Variants in VRK2 observed in about 807,000 individuals in gnomAD.
VRK2 encodes serine/threonine-protein kinase VRK2.
Under a neutral mutation model 57.6 loss-of-function variants are expected in VRK2, and 60 were observed. The observed-to-expected ratio is 1.04, with a 90% CI of 0.85 to 1.29. VRK2 has a LOEUF of 1.29. Among genes scored for constraint, VRK2 ranks in the 50% most tolerant of loss-of-function variants. VRK2 has a pLI of 0.00. For missense variants in VRK2, 705 were observed against 588.1 expected, an observed-to-expected ratio of 1.20 and a Z score of -2.06; for synonymous variants, 231 against 199.2, an observed-to-expected ratio of 1.16 and a Z score of -1.35.
chr2:58,061,531 A>G (rs771409974), intron 2 of VRK2, among the ~76,000 whole-genome samples: 1 of 152,006 alleles, frequency 6.6e-6, no homozygotes, highest in Non-Finnish European at 1.5e-5. Flanking sequence ...AATACTTAAA[A>G]TGATAAGATA....
chr2:58,044,123 C>G (rs1020283935), upstream of VRK2, among the ~76,000 whole-genome samples: 2 of 151,426 alleles, frequency 1.3e-5, no homozygotes, highest in African/African-American at 4.8e-5. Context: ...GTTGAGGTTT[C>G]TTTCTTTCTT....
chr2:58,116,242 T>C (rs1032526913), intron 7 of VRK2, among the ~76,000 whole-genome samples: 2 of 151,164 alleles, frequency 1.3e-5, no homozygotes, highest in African/African-American at 2.4e-5. Context: ...AAGGAGGGAG[T>C]AGAGGTATCT....
intron 6 of VRK2, among the ~76,000 whole-genome samples, chr2:58,089,183 G>A (rs148251501): frequency 6.4e-4 from 98 of 152,332 alleles, no homozygotes; most frequent in Middle Eastern, 3.4e-3. Context: ...TACAGAGGAA[G>A]AATACCTTTC....
At chr2:57,978,948 C>T (rs557799368) in intron 1 of VRK2, among the ~76,000 whole-genome samples, 2 of 150,830 alleles carry the variant, frequency 1.3e-5, no homozygotes, top group East Asian at 3.9e-4. Context: ...TGATGGCTTC[C>T]AGTTTCATCT....
chr2:57,984,372 G>A (rs1177261235), intron 1 of VRK2, among the ~76,000 whole-genome samples: 1 of 152,062 alleles, frequency 6.6e-6, no homozygotes, highest in East Asian at 1.9e-4. Flanking sequence ...AGTGTTTTAA[G>A]TATGTTAAGA....
At chr2:58,045,070 G>A (rs547975717), upstream of VRK2, among the ~76,000 whole-genome samples, 205 of 152,340 alleles carry the variant, frequency 1.3e-3, 1 homozygote, top group Non-Finnish European at 2.5e-3. Context: ...TCATAGCGAA[G>A]ACTGGCTAAT....
intron 2 of VRK2, among the ~76,000 whole-genome samples, chr2:58,049,823 A>G (rs539077075): frequency 3.3e-5 from 5 of 152,290 alleles, no homozygotes; most frequent in East Asian, 1.9e-4. Context: ...TTCCAGAAAA[A>G]CATGCTTCAT....
rs1673925562 is a variant in VRK2, at chr2:58,026,342, G to A, written c.-333+572G>A. 2.0e-5 allele frequency among the ~76,000 whole-genome samples: 3 copies of A among 152,018 alleles called. No homozygotes were observed. The South Asian group carries it at 6.2e-4, about 32-fold the overall frequency. On this transcript the variant is annotated intron_variant, in intron 2 of 15. Transcript: ENST00000417641. ...AGAAAGAGAAAGTGAGGGAATGAGA[G>A]AGGGAGACAATGCAGTATCTAGTTT...
At chr2:57,973,798 A>G (rs979454816) in intron 1 of VRK2, among the ~76,000 whole-genome samples, 4 of 151,848 alleles carry the variant, frequency 2.6e-5, no homozygotes, top group Non-Finnish European at 5.9e-5. Flanking sequence ...ATATATCCCC[A>G]AAAGTCTCAG....
At chr2:58,122,726 G>C (rs1277459951) in intron 7 of VRK2, among the ~76,000 whole-genome samples, 1 of 152,082 alleles carries the variant, frequency 6.6e-6, no homozygotes, top group Non-Finnish European at 1.5e-5. Flanking sequence ...GCTTGAAATA[G>C]TTTTATGTTT....
At chr2:58,064,485 A>C (rs1572912072) in intron 2 of VRK2, among the ~76,000 whole-genome samples, 1 of 152,176 alleles carries the variant, frequency 6.6e-6, no homozygotes, top group South Asian at 2.1e-4. Context: ...AAATATTTTT[A>C]AATTAAGGCA....
chr2:58,015,082 A>AT (rs200496038), intron 1 of VRK2, among the ~76,000 whole-genome samples: 2,555 of 152,090 alleles, frequency 0.017, 75 homozygotes, highest in African/African-American at 0.058. Context: ...TTATACAATC[A>AT]TTTTTTTTAT....
At chr2:57,936,928 C>T (rs981589360) in intron 1 of VRK2, among the ~76,000 whole-genome samples, 15 of 152,204 alleles carry the variant, frequency 9.9e-5, no homozygotes, top group Admixed American at 3.3e-4. Context: ...ATACCGCATC[C>T]TATTTTACCA....
intron 7 of VRK2, among the ~76,000 whole-genome samples, chr2:58,118,004 G>T (rs990756017): frequency 1.3e-5 from 2 of 152,162 alleles, no homozygotes. Context: ...AAGAGGTTGG[G>T]GAGCGGAAAT....
chr2:58,119,254 T>C (rs1677030333), intron 7 of VRK2, among the ~76,000 whole-genome samples: 1 of 151,832 alleles, frequency 6.6e-6, no homozygotes, highest in African/African-American at 2.4e-5. Flanking sequence ...TCCCAGCACT[T>C]TGGGAGACCA....
intron 1 of VRK2, among the ~76,000 whole-genome samples, chr2:57,996,641 CA>C (rs1672931686): frequency 6.6e-6 from 1 of 152,124 alleles, no homozygotes; most frequent in African/African-American, 2.4e-5. Flanking sequence ...AAAATTAGAA[CA>C]GGAAGTCTCT....
At chr2:57,920,984 A>T (rs1225373754) in intron 1 of VRK2, among the ~76,000 whole-genome samples, 1 of 152,122 alleles carries the variant, frequency 6.6e-6, no homozygotes, top group Non-Finnish European at 1.5e-5. Context: ...GGTATGATGG[A>T]CAGATACTGA....
At chr2:58,115,604 C>T (rs566141162) in intron 7 of VRK2, among the ~76,000 whole-genome samples, 3 of 152,270 alleles carry the variant, frequency 2.0e-5, no homozygotes, top group South Asian at 4.1e-4. Flanking sequence ...GAATTCTGAC[C>T]ACACTAACCA....
In VRK2 at chr2:58,066,764, T is replaced by C. The variant is rs560045369; in HGVS notation, c.137-17325T>C. On this transcript the variant is annotated intron_variant, in intron 2 of 12. Transcript: ENST00000340157. ...ATGGTTTCACTTTCTTTAGTGGTTA[T>C]TTAGGACTAATCTGGTTATTTGTTT... Among the ~76,000 whole-genome samples, 2 of 152,330 alleles carry C rather than the reference T, an allele frequency of 1.3e-5. 1 individual carries two copies. Among genetic ancestry groups the C allele is most frequent in the South Asian group, 4.1e-4 (2 of 4,824 alleles).
Sources: allele counts gnomAD v4.1 joint callset (sites outside exome capture counted in the v4.1 genomes callset), GRCh38; gene constraint gnomAD v4.1.1; transcripts MANE v1.5; gene names NCBI Gene and HGNC (gene_info 2026-07-23, HGNC 2026-07-21).